The following PRKG1 variants were observed in gnomAD, a reference collection of about 807,000 sequenced individuals.
The protein encoded by PRKG1 is cGMP-dependent protein kinase 1.
A neutral mutation model predicts 88.1 loss-of-function variants in PRKG1; 35 were observed. The ratio of observed to expected loss-of-function variants is 0.40; its 90% CI spans 0.30 to 0.53. PRKG1 has a LOEUF of 0.53. Among genes scored for constraint, PRKG1 ranks in the 20% least tolerant of loss-of-function variants. The probability of loss-of-function intolerance (pLI) is 0.59; values close to 1 mark genes in which losing one functional copy is unlikely to be tolerated. For missense variants in PRKG1, 540 were observed against 839.8 expected (o/e 0.64, Z 4.41); for synonymous variants, 303 against 292.5 (o/e 1.04, Z -0.37).
At chr10:51,876,698 G>A (rs1841308734) in intron 4 of PRKG1, among the ~76,000 whole-genome samples, 1 of 152,110 alleles carries the variant, frequency 6.6e-6, no homozygotes, top group South Asian at 2.1e-4. Flanking sequence ...TTTGCTTGAG[G>A]GCCTCTTGCC....
chr10:51,627,951 T>TTCCTTCCTTC, intron 3 of PRKG1, among the ~76,000 whole-genome samples: 1 of 20,848 alleles, frequency 4.8e-5, no homozygotes, highest in Non-Finnish European at 1.5e-4. Context: ...CCTTTCTTTC[T>TTCCTTCCTTC]TTCTTTCTTT....
intron 3 of PRKG1, among the ~76,000 whole-genome samples, chr10:51,567,333 C>G (rs1469705288): frequency 3.9e-5 from 6 of 152,076 alleles, no homozygotes; most frequent in Admixed American, 3.3e-4. Context: ...TATCAGGATG[C>G]TGGTCCCTGG....
At chr10:51,079,571 C>A (rs1462940920) in intron 1 of PRKG1, among the ~76,000 whole-genome samples, 1 of 152,082 alleles carries the variant, frequency 6.6e-6, no homozygotes, top group Non-Finnish European at 1.5e-5. Context: ...GTAGTGGGAA[C>A]TGTGGAAAAG....
intron 4 of PRKG1, among the ~76,000 whole-genome samples, chr10:51,903,078 T>C (rs1272223834): frequency 2.0e-5 from 3 of 152,142 alleles, no homozygotes; most frequent in Admixed American, 6.6e-5. Context: ...TTTCATGTAA[T>C]AGGTTAACAT....
chr10:51,625,217 C>A (rs1437637894), intron 3 of PRKG1, among the ~76,000 whole-genome samples: 1 of 152,184 alleles, frequency 6.6e-6, no homozygotes, highest in African/African-American at 2.4e-5. Context: ...GTGGCTTATG[C>A]CTGTAATCCC....
intron 3 of PRKG1, among the ~76,000 whole-genome samples, chr10:51,630,623 A>C (rs1315251468): frequency 1.3e-5 from 2 of 152,188 alleles, no homozygotes; most frequent in Non-Finnish European, 2.9e-5. Flanking sequence ...CCTTATTGTC[A>C]ATATTGGTAG....
At chr10:51,494,586 T>G (rs772049160) in intron 3 of PRKG1, among the ~76,000 whole-genome samples, 1 of 152,166 alleles carries the variant, frequency 6.6e-6, no homozygotes, top group Non-Finnish European at 1.5e-5. Flanking sequence ...ATAGCAAACA[T>G]TGCCAGGCAG....
chr10:51,380,897 A>T (rs1414767903), intron 2 of PRKG1, among the ~76,000 whole-genome samples: 1 of 152,142 alleles, frequency 6.6e-6, no homozygotes, highest in Admixed American at 6.6e-5. Flanking sequence ...CTGGGAGAAG[A>T]ACTTGTGTGC....
intron 2 of PRKG1, among the ~76,000 whole-genome samples, chr10:51,326,366 C>T (rs1057129288): frequency 6.6e-6 from 1 of 152,174 alleles, no homozygotes; most frequent in Non-Finnish European, 1.5e-5. Context: ...CAGCATGGGT[C>T]TGGATATAAG....
intron 5 of PRKG1, 35 bp downstream of exon 5, chr10:51,907,605 G>A (rs1244253669): frequency 6.4e-7 from 1 of 1,567,036 alleles, no homozygotes; most frequent in Admixed American, 1.7e-5. Flanking sequence ...TTTTGAGATG[G>A]GATCCAGCCT....
Position 52,296,253 on chromosome 10 carries a change from G to C in PRKG1, c.*2353G>C, listed in dbSNP as rs1016460509. ...TATGGATTTTGGAACTATGGTTCAA[G>C]TCTAAGACAACCAATATGAATAAGT... On this transcript the variant is annotated 3_prime_UTR_variant, in exon 18 of 18. Coordinates refer to ENST00000373980, the MANE Select transcript of PRKG1 (RefSeq NM_006258.4). 2.6e-5 allele frequency: 4 copies of C among 152,058 alleles called. No homozygotes were observed. Among genetic ancestry groups the C allele is most frequent in the African/African-American group, 4.8e-5 (2 of 41,454 alleles). The allele number at this position is 152,058 out of a possible 1,614,324, so 9.4% of individuals were successfully genotyped here. A position where few individuals can be genotyped will look rare whatever the true frequency, so the allele number is the denominator to read the frequency against.
chr10:52,046,327 G>T (rs1845862314), intron 5 of PRKG1, among the ~76,000 whole-genome samples: 1 of 151,914 alleles, frequency 6.6e-6, no homozygotes, highest in Admixed American at 6.6e-5. Context: ...ATTTGTGGAG[G>T]TATTTGTACC....
At chr10:51,417,224 T>G (rs1161541490) in intron 2 of PRKG1, among the ~76,000 whole-genome samples, 1 of 152,232 alleles carries the variant, frequency 6.6e-6, no homozygotes, top group Non-Finnish European at 1.5e-5. Context: ...GGTCTGTTCA[T>G]GTCCCCTCAC....
chr10:51,666,953 C>G (rs1840436668), intron 3 of PRKG1, among the ~76,000 whole-genome samples: 3 of 152,140 alleles, frequency 2.0e-5, no homozygotes, highest in Admixed American at 6.5e-5. Flanking sequence ...TACCACTAAG[C>G]CTGGCTAATT....
intron 1 of PRKG1, among the ~76,000 whole-genome samples, chr10:51,026,294 A>AG (rs1843204465): frequency 2.0e-5 from 3 of 152,194 alleles, no homozygotes; most frequent in South Asian, 4.1e-4. Flanking sequence ...GCTAATACAG[A>AG]GGGGAATAAA....
At chr10:52,091,954 A>T (rs1847066572) in intron 7 of PRKG1, among the ~76,000 whole-genome samples, 1 of 152,206 alleles carries the variant, frequency 6.6e-6, no homozygotes, top group African/African-American at 2.4e-5. Context: ...AGTTTGAGAA[A>T]GTAGGGCTGA....
chr10:52,229,110 G>A (rs1021375372), intron 9 of PRKG1, among the ~76,000 whole-genome samples: 1 of 151,894 alleles, frequency 6.6e-6, no homozygotes, highest in African/African-American at 2.4e-5. Flanking sequence ...TCATTTGTCA[G>A]TAAAAGTGAT....
chr10:51,522,036 C>A (rs1325320035), intron 3 of PRKG1, among the ~76,000 whole-genome samples: 2 of 152,048 alleles, frequency 1.3e-5, no homozygotes, highest in Non-Finnish European at 2.9e-5. Flanking sequence ...TTTTCAATCC[C>A]TTTTTGGATT....
chr10:52,230,011 T>A (rs1295226927), intron 9 of PRKG1, among the ~76,000 whole-genome samples: 2 of 152,122 alleles, frequency 1.3e-5, no homozygotes, highest in African/African-American at 4.8e-5. Flanking sequence ...GTTCAGAAAT[T>A]AAACCGTGAA....
Sources: allele counts gnomAD v4.1 joint callset (sites outside exome capture counted in the v4.1 genomes callset), GRCh38; gene constraint gnomAD v4.1.1; transcripts MANE v1.5; gene names NCBI Gene and HGNC (gene_info 2026-07-23, HGNC 2026-07-21).